FGF14: variants seen among roughly 807,000 people sequenced by gnomAD.
FGF14 encodes fibroblast growth factor 14, also known as fibroblast growth factor homologous factor 4.
A neutral mutation model predicts 25.5 loss-of-function variants in FGF14; 5 were observed. The observed-to-expected ratio is 0.20, with a 90% CI of 0.10 to 0.41. The LOEUF (loss-of-function observed/expected upper bound fraction) is 0.41. FGF14 is among the 10% of genes least tolerant of loss of function. FGF14 has a pLI of 1.00. For missense variants in FGF14, 222 were observed against 320.1 expected, an observed-to-expected ratio of 0.69 and a Z score of 2.34; for synonymous variants, 138 against 118.3, an observed-to-expected ratio of 1.17 and a Z score of -1.08.
intron 3 of FGF14, among the ~76,000 whole-genome samples, chr13:101,751,077 G>A (rs2139839486): frequency 6.6e-6 from 1 of 152,136 alleles, no homozygotes; most frequent in Admixed American, 6.6e-5. Flanking sequence ...GAACACACAG[G>A]ATTTTTAGGG....
chr13:101,736,467 C>A (rs2036194954), intron 3 of FGF14, among the ~76,000 whole-genome samples: 1 of 151,986 alleles, frequency 6.6e-6, no homozygotes, highest in Admixed American at 6.6e-5. Context: ...ACAATAAAAT[C>A]TCTGGGCTTT....
At chr13:102,295,203 T>C (rs2210899) in intron 1 of FGF14, among the ~76,000 whole-genome samples, 118,015 of 152,022 alleles carry the variant, frequency 0.78, 46,735 homozygotes, top group African/African-American at 0.94. Context: ...TTATACTTCT[T>C]ATCGATTCTG....
intron 1 of FGF14, among the ~76,000 whole-genome samples, chr13:101,953,949 C>T (rs2036346216): frequency 3.9e-5 from 6 of 152,130 alleles, no homozygotes; most frequent in Admixed American, 2.6e-4. Flanking sequence ...ATCCATCACC[C>T]TCTGTCTATG....
chr13:102,234,785 G>A (rs750518937), intron 1 of FGF14, among the ~76,000 whole-genome samples: 2 of 152,066 alleles, frequency 1.3e-5, no homozygotes, highest in Admixed American at 1.3e-4. Flanking sequence ...AAACATACAC[G>A]TTTGTCATCT....
chr13:102,155,153 C>A (rs181949595), intron 1 of FGF14, among the ~76,000 whole-genome samples: 34 of 152,290 alleles, frequency 2.2e-4, no homozygotes, highest in Non-Finnish European at 4.1e-4. Flanking sequence ...CAGCTCTGCA[C>A]CAAGCAGACC....
chr13:101,940,967 T>C (rs758570322), intron 1 of FGF14, among the ~76,000 whole-genome samples: 9 of 152,128 alleles, frequency 5.9e-5, no homozygotes, highest in Non-Finnish European at 1.2e-4. Context: ...TAAGAACAGA[T>C]AGAGTCTTTT....
chr13:102,012,936 G>T (rs576395203), intron 1 of FGF14, among the ~76,000 whole-genome samples: 5 of 152,042 alleles, frequency 3.3e-5, no homozygotes, highest in African/African-American at 1.2e-4. Context: ...GATACAAGCC[G>T]GGGTATTCAT....
chr13:102,070,692 C>A (rs1005449165), intron 1 of FGF14, among the ~76,000 whole-genome samples: 1 of 152,002 alleles, frequency 6.6e-6, no homozygotes, highest in African/African-American at 2.4e-5. Flanking sequence ...ATTCTAACAG[C>A]AATATTTTGA....
chr13:102,195,476 A>G lies in FGF14; in HGVS notation c.208+205995T>C, dbSNP rs552031726. On this transcript the variant is annotated intron_variant, in intron 1 of 4. Transcript: ENST00000376131. ...TCCTCAGAGCAACCATTAAGAAAAGAATGTAAAAATACAATTAAAGAAATA... is the reference window on the plus strand; with the variant it reads ...TCCTCAGAGCAACCATTAAGAAAAGGATGTAAAAATACAATTAAAGAAATA... Among the ~76,000 whole-genome samples the G allele has an allele frequency of 5.3e-5, 8 of 152,294 alleles. No homozygotes were observed. In the South Asian group the frequency reaches 1.7e-3, roughly 32 times the overall value.
At chr13:102,222,407 G>T (rs903033428) in intron 1 of FGF14, among the ~76,000 whole-genome samples, 1 of 152,164 alleles carries the variant, frequency 6.6e-6, no homozygotes, top group Non-Finnish European at 1.5e-5. Flanking sequence ...AATTTTGAAA[G>T]TTGAAGGCAT....
chr13:102,212,476 G>A (rs1264662449), intron 1 of FGF14, among the ~76,000 whole-genome samples: 3 of 152,144 alleles, frequency 2.0e-5, no homozygotes, highest in African/African-American at 7.2e-5. Context: ...TCCCTGGGCA[G>A]CCCTGTCCCC....
intron 1 of FGF14, among the ~76,000 whole-genome samples, chr13:102,118,504 G>A (rs1450328246): frequency 3.3e-5 from 5 of 151,990 alleles, no homozygotes; most frequent in Non-Finnish European, 7.4e-5. Flanking sequence ...GATAAATGGT[G>A]GTCCATCTAT....
intron 1 of FGF14, among the ~76,000 whole-genome samples, chr13:102,386,527 C>T (rs1350910205): frequency 6.6e-6 from 1 of 152,156 alleles, no homozygotes; most frequent in African/African-American, 2.4e-5. Flanking sequence ...AACTGTAACA[C>T]TAAAAGGAAA....
chr13:102,335,300 T>C (rs1040901951), intron 1 of FGF14, among the ~76,000 whole-genome samples: 1 of 152,214 alleles, frequency 6.6e-6, no homozygotes, highest in African/African-American at 2.4e-5. Context: ...TACTATTATT[T>C]TGTTTGGTCT....
chr13:102,157,258 T>C (rs964625634), intron 1 of FGF14, among the ~76,000 whole-genome samples: 11 of 152,168 alleles, frequency 7.2e-5, no homozygotes, highest in African/African-American at 2.4e-4. Flanking sequence ...CTTCAAACTA[T>C]ACTACAACGC....
At chr13:101,733,703 A>C (rs1049817760) in intron 3 of FGF14, among the ~76,000 whole-genome samples, 1 of 151,842 alleles carries the variant, frequency 6.6e-6, no homozygotes, top group Non-Finnish European at 1.5e-5. Context: ...CTCGACAGCA[A>C]CTTATATTTA....
At chr13:101,870,993 T>TACAA (rs1439585635) in intron 2 of FGF14, among the ~76,000 whole-genome samples, 1 of 151,828 alleles carries the variant, frequency 6.6e-6, no homozygotes, top group African/African-American at 2.4e-5. Context: ...CATACATACA[T>TACAA]ACATACATAC....
chr13:102,079,277 TA>T (rs1246688217), intron 1 of FGF14, among the ~76,000 whole-genome samples: 7 of 152,188 alleles, frequency 4.6e-5, no homozygotes, highest in African/African-American at 1.7e-4. Context: ...AATCCATGTT[TA>T]AAATGTATGC....
intron 3 of FGF14, among the ~76,000 whole-genome samples, chr13:101,746,178 G>A (rs1228013313): frequency 6.6e-6 from 1 of 151,962 alleles, no homozygotes; most frequent in East Asian, 1.9e-4. Context: ...TAATTATTTG[G>A]AACCTTAATG....
Sources: allele counts gnomAD v4.1 joint callset (sites outside exome capture counted in the v4.1 genomes callset), GRCh38; gene constraint gnomAD v4.1.1; transcripts MANE v1.5; gene names NCBI Gene and HGNC (gene_info 2026-07-23, HGNC 2026-07-21).